The following MTMR1 variants were observed in gnomAD, a reference collection of about 807,000 sequenced individuals.
MTMR1 encodes the protein phosphatidylinositol-3-phosphate phosphatase MTMR1.
A neutral mutation model predicts 51.6 loss-of-function variants in MTMR1; 17 were observed. The ratio of observed to expected loss-of-function variants is 0.33; its 90% CI spans 0.23 to 0.49. The LOEUF (loss-of-function observed/expected upper bound fraction) is 0.49, where lower values mean the gene tolerates loss of function less well. Ranked by LOEUF, MTMR1 falls within the 20% of genes least tolerant of loss-of-function variation. MTMR1 has a pLI of 0.99. For missense variants in MTMR1, 386 were observed against 526.9 expected, an observed-to-expected ratio of 0.73 and a Z score of 2.62; for synonymous variants, 201 against 205.6, an observed-to-expected ratio of 0.98 and a Z score of 0.19.
rs1307343280 is a variant in MTMR1 at position 150,762,666 on chromosome X, A to G, written c.1959A>G (p.Ser653=). The stretch of plus-strand genomic sequence containing the variant: ...GGGAGGTGGCCACGCGCGCCGTCTC[A>G]TCCTCATCTGAGCGGGGCTCCTCGC... ...LQREVATRAV[S]SSSERGSSPS... The change falls in exon 16 of 16, where the codon TCA becomes TCG. Residue 653 remains serine (S), a synonymous_variant. Coordinates refer to ENST00000445323, the MANE Select transcript of MTMR1 (RefSeq NM_001306144.3). 1 of 1,206,330 alleles carries G rather than the reference A, an allele frequency of 8.3e-7. No individual in the cohort carries two copies. The highest frequency in any genetic ancestry group is 3.0e-5 in the East Asian group (1 of 33,612).
chrX:150,748,243 T>G, intron 13 of MTMR1, among the ~76,000 whole-genome samples: 1 of 112,138 alleles, frequency 8.9e-6, no homozygotes, highest in Admixed American at 9.5e-5. Flanking sequence ...GGGATACAGA[T>G]ATTCAGTTCA....
At chrX:150,762,062 T>C (rs2043154645) in intron 15 of MTMR1, among the ~76,000 whole-genome samples, 1 of 112,630 alleles carries the variant, frequency 8.9e-6, no homozygotes, top group Non-Finnish European at 1.9e-5. Context: ...CCTGCTCCGG[T>C]TGATGAAAAC....
chrX:150,711,928 G>T (rs1283338015), intron 2 of MTMR1, among the ~76,000 whole-genome samples: 1 of 110,237 alleles, frequency 9.1e-6, no homozygotes. Flanking sequence ...TTGTTTTCCT[G>T]GGCTGGTTTG....
chrX:150,706,163 A>G (rs1557416065), intron 2 of MTMR1, among the ~76,000 whole-genome samples: 2 of 111,365 alleles, frequency 1.8e-5, no homozygotes, highest in African/African-American at 6.5e-5. Flanking sequence ...GCTAGCTCAG[A>G]TCCGTCTTCC....
At chrX:150,695,980 G>T (rs782596398) in intron 1 of MTMR1, among the ~76,000 whole-genome samples, 27 of 111,949 alleles carry the variant, frequency 2.4e-4, no homozygotes, top group Non-Finnish European at 4.9e-4. Context: ...TCTAGCGTGT[G>T]GGGGCCGGAT....
chrX:150,720,405 GCTT>G (rs1231066571), intron 4 of MTMR1, among the ~76,000 whole-genome samples: 1 of 111,879 alleles, frequency 8.9e-6, no homozygotes, highest in Admixed American at 9.5e-5. Context: ...TTTTTGTCTA[GCTT>G]CTTCAAATCA....
chrX:150,737,530 G>T (rs1399287062), intron 12 of MTMR1, 82 bp downstream of exon 12: 1 of 806,010 alleles, frequency 1.2e-6, no homozygotes, highest in Non-Finnish European at 1.8e-6. Flanking sequence ...ACACGTAAGC[G>T]CATATATACA....
At position 150,762,653 on chromosome X, in the gene MTMR1, C is replaced by A. The variant is rs782468777; in HGVS notation, c.1946C>A (p.Thr649Lys). 7.4e-6 allele frequency: 9 copies of A among 1,208,246 alleles called. No individual in the cohort carries two copies. Among genetic ancestry groups the A allele is most frequent in the Non-Finnish European group, 8.9e-6 (8 of 894,371 alleles). ...GAGGGCCTACAGCGGGAGGTGGCCACGCGCGCCGTCTCATCCTCATCTGAG... is the reference window on the plus strand; with the variant it reads ...GAGGGCCTACAGCGGGAGGTGGCCAAGCGCGCCGTCTCATCCTCATCTGAG... Reference protein sequence around the residue: ...RVEGLQREVATRAVSSSSERG... With the variant: ...RVEGLQREVAKRAVSSSSERG... Residue 649 changes from threonine to lysine, a missense_variant, in exon 16 of 16, where the codon ACG (threonine) becomes AAG (lysine). Thr to Lys is a moderately conservative substitution (Grantham distance 78). Coordinates refer to ENST00000445323, the MANE Select transcript of MTMR1 (RefSeq NM_001306144.3).
chrX:150,705,785 A>C (rs1468595086), intron 2 of MTMR1, among the ~76,000 whole-genome samples: 1 of 112,053 alleles, frequency 8.9e-6, no homozygotes, highest in Non-Finnish European at 1.9e-5. Context: ...CACAGTAAGC[A>C]AAAAAACCTC....
In MTMR1 at chrX:150,723,303, G is replaced by A. The variant is rs1173340221; in HGVS notation, c.353-3912G>A. 4.5e-5 allele frequency among the ~76,000 whole-genome samples: 5 copies of A among 111,239 alleles called. No individual in the cohort carries two copies. In the Admixed American group the frequency reaches 4.8e-4, roughly 11 times the overall value. On this transcript the variant is annotated intron_variant, in intron 4 of 15. Transcript: ENST00000445323. ...AATCTTTGCTATTGTGAATAGTGCCGCAATAAACATAACGTGTGCATGTGT... is the reference window on the plus strand; with the variant it reads ...AATCTTTGCTATTGTGAATAGTGCCACAATAAACATAACGTGTGCATGTGT...
At chrX:150,707,512 A>G (rs1441715503) in intron 2 of MTMR1, among the ~76,000 whole-genome samples, 1 of 112,711 alleles carries the variant, frequency 8.9e-6, no homozygotes, top group Admixed American at 9.3e-5. Flanking sequence ...ATAGGGGAAT[A>G]TAAATTAAAG....
At chrX:150,710,421 T>C (rs1300404375) in intron 2 of MTMR1, among the ~76,000 whole-genome samples, 2 of 111,656 alleles carry the variant, frequency 1.8e-5, no homozygotes, top group African/African-American at 6.5e-5. Context: ...GAGTGCAGTG[T>C]GTGATCTCGG....
chrX:150,762,487 A>G (rs2043171981), intron 15 of MTMR1, 78 bp from the exon 16 acceptor site: 2 of 1,161,610 alleles, frequency 1.7e-6, no homozygotes, highest in Admixed American at 4.4e-5. Context: ...AAGCTCCTGA[A>G]GCCAACAGCA....
At chrX:150,750,930 G>C in intron 14 of MTMR1, 87 bp downstream of exon 14, 1 of 1,026,211 alleles carries the variant, frequency 9.7e-7, no homozygotes, top group Non-Finnish European at 1.3e-6. Flanking sequence ...GCTGAGGGGA[G>C]GGAGGACTGC....
intron 12 of MTMR1, among the ~76,000 whole-genome samples, chrX:150,739,586 C>T (rs1557417260): frequency 8.9e-6 from 1 of 112,123 alleles, no homozygotes; most frequent in African/African-American, 3.2e-5. Context: ...GCGATGGCAG[C>T]ATGTACTGGG....
chrX:150,752,507 T>C (rs2042774140), intron 14 of MTMR1, among the ~76,000 whole-genome samples: 1 of 111,607 alleles, frequency 9.0e-6, no homozygotes, highest in Admixed American at 9.5e-5. Context: ...AGAAAAACAT[T>C]TTTAAAAGAG....
intron 1 of MTMR1, among the ~76,000 whole-genome samples, chrX:150,698,680 G>GCACACACACACACACACA (rs1214335904): frequency 1.3e-4 from 8 of 62,989 alleles, no homozygotes; most frequent in East Asian, 4.6e-4. Flanking sequence ...ACACGCGCGC[G>GCACACACACACACACACA]CACACACACA....
At chrX:150,744,939 A>G (rs906244382) in intron 13 of MTMR1, among the ~76,000 whole-genome samples, 2 of 112,437 alleles carry the variant, frequency 1.8e-5, no homozygotes. Context: ...AATGGCATAG[A>G]GGAAGCTGCA....
rs73622461 is a variant in MTMR1 at position 150,728,561 on chromosome X, G to A, written c.555+770G>A. Reference sequence around the variant, plus strand: ...TTGGCTATCTTGGAATTTTTATGTTGAGCTGGGCTTATTTGTTTATTTTGT... The same window carrying A: ...TTGGCTATCTTGGAATTTTTATGTTAAGCTGGGCTTATTTGTTTATTTTGT... On this transcript the variant is annotated intron_variant, in intron 6 of 15. Coordinates refer to ENST00000445323, the MANE Select transcript of MTMR1 (RefSeq NM_001306144.3). Among the ~76,000 whole-genome samples the A allele has an allele frequency of 4.6e-3, 517 of 111,919 alleles. 4 individuals carry two copies. The highest frequency in any genetic ancestry group is 0.015 in the African/African-American group (474 of 30,787).
Sources: allele counts gnomAD v4.1 joint callset (sites outside exome capture counted in the v4.1 genomes callset), GRCh38; gene constraint gnomAD v4.1.1; transcripts MANE v1.5; gene names NCBI Gene and HGNC (gene_info 2026-07-23, HGNC 2026-07-21).